LRRTM4: variants seen among roughly 807,000 people sequenced by gnomAD.
LRRTM4 encodes leucine rich repeat transmembrane neuronal 4.
LRRTM4 carries 25 observed loss-of-function variants against 47.6 expected under a neutral mutation model. That is an observed-to-expected ratio of 0.53 (90% CI 0.38 to 0.73). The LOEUF is 0.73. Ranked by LOEUF, LRRTM4 falls within the 30% of genes least tolerant of loss-of-function variation. The pLI, the probability that LRRTM4 is intolerant of heterozygous loss-of-function variation, is 0.00. For missense variants in LRRTM4, 638 were observed against 713.4 expected, an observed-to-expected ratio of 0.89 and a Z score of 1.20; for synonymous variants, 311 against 269.5, an observed-to-expected ratio of 1.15 and a Z score of -1.51.
At chr2:77,217,856 T>A (rs943515748) in intron 3 of LRRTM4, among the ~76,000 whole-genome samples, 1 of 152,190 alleles carries the variant, frequency 6.6e-6, no homozygotes, top group African/African-American at 2.4e-5. Flanking sequence ...GATTCCAAAA[T>A]AAACACAATG....
Position 76,748,662 on chromosome 2 carries a change from AT to A in LRRTM4, c.*32del. ...AAGATGAAGGCCCTCCCTCCCCCCC[AT>A]GGAGCTCCCCAGTGAGGAGTTGGCT... On this transcript the variant is annotated 3_prime_UTR_variant, in exon 4 of 4. Coordinates refer to ENST00000409884, the MANE Select transcript of LRRTM4 (RefSeq NM_001134745.3). The A allele has an allele frequency of 5.2e-6, 4 of 774,230 alleles. No homozygotes were observed. Among genetic ancestry groups the A allele is most frequent in the Non-Finnish European group, 8.6e-6 (4 of 466,884 alleles). 48.0% of individuals were successfully genotyped at this position (774,230 alleles called of 1,614,324 possible).
intron 3 of LRRTM4, among the ~76,000 whole-genome samples, chr2:77,498,614 T>C (rs1284513325): frequency 6.6e-5 from 10 of 151,796 alleles, no homozygotes; most frequent in Non-Finnish European, 4.4e-5. Context: ...GTGCTATATG[T>C]GTTTCCCAAA....
intron 3 of LRRTM4, among the ~76,000 whole-genome samples, chr2:76,759,157 C>A (rs1388438971): frequency 1.3e-5 from 2 of 152,182 alleles, no homozygotes; most frequent in Non-Finnish European, 2.9e-5. Context: ...GGGTGCTGTA[C>A]TCAAGGAGTT....
At position 76,867,064 on chromosome 2, in the gene LRRTM4, T is replaced by G. The variant is rs13004930; in HGVS notation, c.1552-118148A>C. Among the ~76,000 whole-genome samples the G allele has an allele frequency of 2.0e-5, 3 of 151,694 alleles. No individual in the cohort carries two copies. In the East Asian group the frequency reaches 5.9e-4, roughly 30 times the overall value. ...GAGGGGAACATCACACAACGTCTGT[T>G]AGGGGGTGGTGGGGCAAGGGGAGGG... is the stretch of plus-strand genomic sequence containing the variant. On this transcript the variant is annotated intron_variant, in intron 3 of 3. Transcript: ENST00000409884.
chr2:77,078,261 C>G (rs992735159), intron 3 of LRRTM4, among the ~76,000 whole-genome samples: 1 of 152,130 alleles, frequency 6.6e-6, no homozygotes, highest in East Asian at 1.9e-4. Context: ...TGAATTTGTT[C>G]TAAGTGTTAG....
At chr2:77,285,338 A>AC (rs1676620781) in intron 3 of LRRTM4, among the ~76,000 whole-genome samples, 2 of 110,838 alleles carry the variant, frequency 1.8e-5, no homozygotes, top group East Asian at 2.6e-4. Flanking sequence ...TCAGCATTAA[A>AC]TTTATATATA....
intron 3 of LRRTM4, among the ~76,000 whole-genome samples, chr2:77,131,888 C>T (rs951429892): frequency 6.6e-6 from 1 of 152,074 alleles, no homozygotes. Context: ...ACACATAATA[C>T]TTGTACATAT....
At chr2:76,812,673 C>CTCTTTCTT (rs5832252) in intron 3 of LRRTM4, among the ~76,000 whole-genome samples, 5,333 of 147,894 alleles carry the variant, frequency 0.036, 301 homozygotes, top group African/African-American at 0.11. Flanking sequence ...TACAAATAAG[C>CTCTTTCTT]TCTTTCTTTC....
chr2:77,096,529 A>G (rs1670816617), intron 3 of LRRTM4, among the ~76,000 whole-genome samples: 1 of 151,606 alleles, frequency 6.6e-6, no homozygotes, highest in Non-Finnish European at 1.5e-5. Context: ...TAAAATGTCT[A>G]TATTAAAAGT....
At chr2:76,896,358 GCTT>G (rs1331239369) in intron 3 of LRRTM4, among the ~76,000 whole-genome samples, 1 of 151,950 alleles carries the variant, frequency 6.6e-6, no homozygotes, top group African/African-American at 2.4e-5. Context: ...GTGAAAAAGT[GCTT>G]CAACTTGAGT....
At chr2:77,487,828 A>T (rs1573482385) in intron 3 of LRRTM4, among the ~76,000 whole-genome samples, 2 of 152,018 alleles carry the variant, frequency 1.3e-5, no homozygotes, top group Admixed American at 1.3e-4. Context: ...GCCCGTCAAA[A>T]CCCCTGGATT....
intron 3 of LRRTM4, among the ~76,000 whole-genome samples, chr2:77,233,974 T>C (rs1675038008): frequency 6.6e-6 from 1 of 152,144 alleles, no homozygotes; most frequent in Non-Finnish European, 1.5e-5. Context: ...ATTTTTGCAT[T>C]TTTGTAGAGA....
intron 3 of LRRTM4, among the ~76,000 whole-genome samples, chr2:77,298,316 A>G (rs866132128): frequency 6.6e-6 from 1 of 152,142 alleles, no homozygotes; most frequent in Non-Finnish European, 1.5e-5. Flanking sequence ...GGCTCACTGC[A>G]AGCTCCGTCT....
At chr2:77,263,146 G>T (rs1186162547) in intron 3 of LRRTM4, among the ~76,000 whole-genome samples, 1 of 152,190 alleles carries the variant, frequency 6.6e-6, no homozygotes, top group Middle Eastern at 3.4e-3. Flanking sequence ...AACCCTAAAA[G>T]GATGGGGTTT....
At chr2:76,929,356 G>A (rs1674693642) in intron 3 of LRRTM4, among the ~76,000 whole-genome samples, 2 of 152,112 alleles carry the variant, frequency 1.3e-5, no homozygotes, top group South Asian at 4.1e-4. Context: ...CCTCCCTAGT[G>A]TCCATGGCTG....
chr2:77,397,281 T>C (rs1047767416), intron 3 of LRRTM4, among the ~76,000 whole-genome samples: 20 of 151,848 alleles, frequency 1.3e-4, no homozygotes, highest in South Asian at 4.1e-4. Context: ...ACATATTTCA[T>C]AGCCATTATA....
chr2:77,030,889 C>T (rs1015973065), intron 3 of LRRTM4, among the ~76,000 whole-genome samples: 1 of 152,316 alleles, frequency 6.6e-6, no homozygotes, highest in East Asian at 1.9e-4. Flanking sequence ...TCTGCCCCAT[C>T]AAAGCTCAAA....
intron 3 of LRRTM4, among the ~76,000 whole-genome samples, chr2:77,172,056 C>T (rs1673063327): frequency 6.6e-6 from 1 of 152,110 alleles, no homozygotes; most frequent in South Asian, 2.1e-4. Flanking sequence ...TTGATGTTAT[C>T]CTAGATATCT....
chr2:77,296,378 CG>C (rs1240116858), intron 3 of LRRTM4, among the ~76,000 whole-genome samples: 1 of 151,968 alleles, frequency 6.6e-6, no homozygotes, highest in Non-Finnish European at 1.5e-5. Flanking sequence ...ATAGCATCTT[CG>C]ATTTTTTTGG....
Sources: gnomAD v4.1 joint callset for allele counts (sites outside exome capture counted in the v4.1 genomes callset) on GRCh38, gnomAD v4.1.1 for gene constraint, MANE v1.5 for transcripts, NCBI Gene and HGNC (gene_info 2026-07-23, HGNC 2026-07-21) for gene names.